Variants in RBPMS observed in about 807,000 individuals in gnomAD.
RBPMS encodes RNA-binding protein with multiple splicing.
RBPMS carries 7 observed loss-of-function variants against 26.8 expected under a neutral mutation model. The ratio of observed to expected loss-of-function variants is 0.26; its 90% CI spans 0.15 to 0.49. The LOEUF (loss-of-function observed/expected upper bound fraction) is 0.49. RBPMS is among the 20% of genes least tolerant of loss of function. The pLI is 0.98. For missense variants in RBPMS, 186 were observed against 250.0 expected, an observed-to-expected ratio of 0.74 and a Z score of 1.73; for synonymous variants, 96 against 93.3, an observed-to-expected ratio of 1.03 and a Z score of -0.17.
chr8:30,564,093 G>T (rs915348904), intron 7 of RBPMS: 10 of 152,230 alleles, frequency 6.6e-5, no homozygotes, highest in African/African-American at 2.4e-4. Flanking sequence ...GCTCAGTGTT[G>T]TGGTACGGCC....
chr8:30,517,656 G>T (rs553098780), intron 5 of RBPMS, among the ~76,000 whole-genome samples: 1 of 152,302 alleles, frequency 6.6e-6, no homozygotes, highest in East Asian at 1.9e-4. Flanking sequence ...GTACAGTTCT[G>T]CTCTTGGAGT....
chr8:30,409,268 A>T (rs1283267950), intron 1 of RBPMS, among the ~76,000 whole-genome samples: 1 of 150,802 alleles, frequency 6.6e-6, no homozygotes, highest in African/African-American at 2.4e-5. Context: ...ATCTCAGCTC[A>T]CCGCAACTTC....
intron 5 of RBPMS, among the ~76,000 whole-genome samples, chr8:30,507,667 G>A (rs932660615): frequency 6.6e-6 from 1 of 152,076 alleles, no homozygotes; most frequent in African/African-American, 2.4e-5. Context: ...GTGAGAAAGC[G>A]GGAGTTAAGA....
At chr8:30,544,792 G>A (rs559896563) in intron 6 of RBPMS, 168 bp downstream of exon 6, 1 of 1,575,946 alleles carries the variant, frequency 6.3e-7, no homozygotes, top group South Asian at 1.1e-5. Context: ...GGACTGACGA[G>A]GATCGTCTGA....
At position 30,388,468 on chromosome 8, in the gene RBPMS, C is replaced by A. The variant is rs1807376101; in HGVS notation, c.66+3310C>A. 3.3e-5 allele frequency among the ~76,000 whole-genome samples: 4 copies of A among 121,686 alleles called. No homozygotes were observed. In the South Asian group the frequency reaches 1.3e-3, roughly 39 times the overall value. The allele number at this position is 121,686 out of a possible 152,430, so 79.8% of individuals were successfully genotyped here. ...GCTATAGCTATAAGCTAACTTATAA[C>A]TTATAGCTATAGCTATAAGCTAACT... On this transcript the variant is annotated intron_variant, in intron 1 of 8. Coordinates refer to ENST00000397323, the MANE Select transcript of RBPMS (RefSeq NM_001008710.3).
At chr8:30,477,976 G>A in intron 3 of RBPMS, 139 bp downstream of exon 3, 2 of 618,598 alleles carry the variant, frequency 3.2e-6, no homozygotes, top group Non-Finnish European at 5.7e-6. Context: ...GATGTATTAG[G>A]AATTAGCACA....
chr8:30,564,952 G>C (rs547704304), intron 7 of RBPMS: 1 of 152,158 alleles, frequency 6.6e-6, no homozygotes, highest in East Asian at 1.9e-4. Flanking sequence ...TGTATGAGTC[G>C]CACTGATTAG....
At chr8:30,431,275 A>G (rs2150668224) in intron 1 of RBPMS, among the ~76,000 whole-genome samples, 2 of 152,230 alleles carry the variant, frequency 1.3e-5, no homozygotes, top group Middle Eastern at 6.8e-3. Flanking sequence ...AGATTGCCTT[A>G]CTTGGAATGT....
At chr8:30,413,802 T>C (rs996786320) in intron 1 of RBPMS, among the ~76,000 whole-genome samples, 3 of 152,060 alleles carry the variant, frequency 2.0e-5, no homozygotes, top group African/African-American at 7.2e-5. Context: ...TAGTAGAGAC[T>C]GGGTTTCATC....
At chr8:30,542,198 CTT>C (rs1208172328) in intron 5 of RBPMS, among the ~76,000 whole-genome samples, 4 of 152,178 alleles carry the variant, frequency 2.6e-5, no homozygotes, top group Non-Finnish European at 5.9e-5. Context: ...ACCAAATCCT[CTT>C]TTCTGCTGGG....
At chr8:30,481,945 C>T (rs990069300) in intron 4 of RBPMS, among the ~76,000 whole-genome samples, 2 of 152,200 alleles carry the variant, frequency 1.3e-5, no homozygotes, top group Non-Finnish European at 2.9e-5. Flanking sequence ...TAAAAGTAAA[C>T]TTCTTGCATC....
chr8:30,468,673 A>G (rs1563347835), intron 1 of RBPMS, among the ~76,000 whole-genome samples: 1 of 152,158 alleles, frequency 6.6e-6, no homozygotes. Flanking sequence ...TGTGCCTAGG[A>G]CTGTGTTATA....
chr8:30,507,741 G>A (rs1200812139), intron 5 of RBPMS, among the ~76,000 whole-genome samples: 1 of 152,198 alleles, frequency 6.6e-6, no homozygotes, highest in African/African-American at 2.4e-5. Flanking sequence ...GTACAGGAAT[G>A]TAGTATTCTA....
chr8:30,521,353 G>T (rs1052305520), intron 5 of RBPMS, among the ~76,000 whole-genome samples: 3 of 152,312 alleles, frequency 2.0e-5, no homozygotes, highest in African/African-American at 7.2e-5. Context: ...GACCAAGACA[G>T]TATGGTTCTG....
chr8:30,558,483 T>G, intron 6 of RBPMS: 1 of 307,216 alleles, frequency 3.3e-6, no homozygotes, highest in South Asian at 3.5e-5. Context: ...TGCCCCTTCC[T>G]TACCAAAGCA....
intron 1 of RBPMS, among the ~76,000 whole-genome samples, chr8:30,392,709 G>C (rs1408250035): frequency 2.0e-5 from 3 of 152,222 alleles, no homozygotes; most frequent in African/African-American, 7.2e-5. Context: ...ATAACTGTCA[G>C]ATGTGCGGGA....
intron 5 of RBPMS, among the ~76,000 whole-genome samples, chr8:30,507,709 C>A (rs529137012): frequency 2.0e-5 from 3 of 152,252 alleles, no homozygotes; most frequent in African/African-American, 7.2e-5. Flanking sequence ...ACATTAAATT[C>A]TCTTAGATTG....
chr8:30,453,091 C>T (rs1331527530), intron 1 of RBPMS, among the ~76,000 whole-genome samples: 6 of 152,136 alleles, frequency 3.9e-5, no homozygotes, highest in South Asian at 4.1e-4. Context: ...TGCCTATATC[C>T]GCATCATTTA....
chr8:30,495,719 A>G, intron 4 of RBPMS, among the ~76,000 whole-genome samples: 1 of 152,208 alleles, frequency 6.6e-6, no homozygotes, highest in East Asian at 1.9e-4. Context: ...TTTGCAAGCA[A>G]TGCCCTTATT....
Sources: allele counts gnomAD v4.1 joint callset (sites outside exome capture counted in the v4.1 genomes callset), GRCh38; gene constraint gnomAD v4.1.1; transcripts MANE v1.5; gene names NCBI Gene and HGNC (gene_info 2026-07-23, HGNC 2026-07-21).